The following EML1 variants were observed in gnomAD, a reference collection of about 807,000 sequenced individuals.
EML1 encodes EMAP like 1.
EML1 carries 27 observed loss-of-function variants against 110.4 expected under a neutral mutation model. The observed-to-expected ratio is 0.24, with a 90% CI of 0.18 to 0.34. EML1 has a LOEUF of 0.34. EML1 is among the 10% of genes least tolerant of loss of function. The pLI is 1.00. For missense variants in EML1, 741 were observed against 1,030.9 expected (o/e 0.72, Z 3.85); for synonymous variants, 344 against 385.8 (o/e 0.89, Z 1.27).
chr14:99,895,149 A>G (rs1189179933), intron 6 of EML1, among the ~76,000 whole-genome samples: 1 of 152,106 alleles, frequency 6.6e-6, no homozygotes, highest in Non-Finnish European at 1.5e-5. Context: ...TATTCTTTCC[A>G]AAAGAATGAC....
intron 17 of EML1, among the ~76,000 whole-genome samples, chr14:99,935,626 A>G (rs908277126): frequency 6.6e-6 from 1 of 152,044 alleles, no homozygotes; most frequent in South Asian, 2.1e-4. Flanking sequence ...TACCGAAAAT[A>G]CAAAAAATTA....
chr14:99,865,279 A>G (rs1249708639), intron 2 of EML1, among the ~76,000 whole-genome samples: 1 of 152,160 alleles, frequency 6.6e-6, no homozygotes, highest in East Asian at 1.9e-4. Context: ...ACAGTTCACA[A>G]GAGTTTGCAC....
At chr14:99,846,169 A>G (rs1034079744) in intron 1 of EML1, among the ~76,000 whole-genome samples, 3 of 152,042 alleles carry the variant, frequency 2.0e-5, no homozygotes, top group African/African-American at 7.2e-5. Flanking sequence ...TTTCAATGTC[A>G]GAGGCCACTT....
intron 5 of EML1, among the ~76,000 whole-genome samples, chr14:99,892,520 C>G (rs1689084307): frequency 6.6e-6 from 1 of 152,144 alleles, no homozygotes; most frequent in Non-Finnish European, 1.5e-5. Context: ...CTGGCCTCTT[C>G]CCACTAGCGC....
In EML1 at chr14:99,939,058, T is replaced by C. The variant is rs1453818328; in HGVS notation, c.2192-139T>C. The C allele has an allele frequency of 3.8e-6, 5 of 1,301,874 alleles. No homozygotes were observed. The highest frequency in any genetic ancestry group is 1.5e-5 in the African/African-American group (1 of 67,302). 80.6% of individuals were successfully genotyped at this position (1,301,874 alleles called of 1,614,324 possible). A position where few individuals can be genotyped will look rare whatever the true frequency, so the allele number is the denominator to read the frequency against. On this transcript the variant is annotated intron_variant, in intron 20 of 21. Transcript: ENST00000262233. The surrounding 1 kb of genome is among the most constrained non-coding windows in gnomAD (Gnocchi z 4.2). ...AGCGAGAGGCCAGGAACTGAGGCTA[T>C]TGTGCTTTTTTGACCCTTGTTTCTA... is the stretch of plus-strand genomic sequence containing the variant.
chr14:99,771,322 T>C (rs889470754), upstream of EML1, among the ~76,000 whole-genome samples: 1 of 152,222 alleles, frequency 6.6e-6, no homozygotes, highest in African/African-American at 2.4e-5. Flanking sequence ...TTACTATAAA[T>C]GGGATTATGG....
chr14:99,852,226 G>A (rs17572928), intron 2 of EML1, among the ~76,000 whole-genome samples: 7 of 152,116 alleles, frequency 4.6e-5, no homozygotes, highest in East Asian at 3.9e-4. Context: ...ACTCTTCCTC[G>A]TGACTAACTG....
At chr14:99,935,961 G>A (rs945661184) in intron 17 of EML1, 68 bp from the exon 18 acceptor site, 17 of 1,470,846 alleles carry the variant, frequency 1.2e-5, no homozygotes, top group African/African-American at 2.8e-5. Context: ...GGCAGCTACC[G>A]TTATCCTTTG....
chr14:99,823,849 C>T (rs756485322), intron 1 of EML1, among the ~76,000 whole-genome samples: 4 of 152,118 alleles, frequency 2.6e-5, no homozygotes, highest in East Asian at 1.9e-4. Flanking sequence ...TGGAGTCAGG[C>T]GCCATTTCCT....
At chr14:99,913,871 G>A (rs539953580) in intron 13 of EML1, among the ~76,000 whole-genome samples, 1 of 151,966 alleles carries the variant, frequency 6.6e-6, no homozygotes, top group Admixed American at 6.5e-5. Context: ...TGTATTTTTA[G>A]TAGAGACGGG....
intron 1 of EML1, among the ~76,000 whole-genome samples, chr14:99,821,616 C>A (rs940694083): frequency 6.6e-6 from 1 of 152,202 alleles, no homozygotes; most frequent in Non-Finnish European, 1.5e-5. Flanking sequence ...GACTCCACAT[C>A]TTTTGACATC....
chr14:99,925,275 CTTTTTTTT>C (rs972066503), intron 17 of EML1, among the ~76,000 whole-genome samples: 1 of 136,064 alleles, frequency 7.3e-6, no homozygotes, highest in Non-Finnish European at 1.6e-5. Flanking sequence ...TTTCTTTTTT[CTTTTTTTT>C]TTTTTTTTGC....
chr14:99,822,077 A>G (rs976695213), intron 1 of EML1, among the ~76,000 whole-genome samples: 1 of 152,216 alleles, frequency 6.6e-6, no homozygotes, highest in African/African-American at 2.4e-5. Flanking sequence ...GTTGGAACAA[A>G]GGCATTTTGC....
In EML1 at chr14:99,774,481, T is replaced by C. The variant is rs554305731; in HGVS notation, c.-27+468T>C. Among the ~76,000 whole-genome samples the C allele has an allele frequency of 8.5e-5, 13 of 152,312 alleles. No homozygotes were observed. The South Asian group carries it at 2.5e-3, about 29-fold the overall frequency. On this transcript the variant is annotated intron_variant, in intron 1 of 22. Transcript: ENST00000327921. ...TCCATGCCTCCCGAGTGTACCCTTT[T>C]TCCTTCCCTCACCCTCCTCCTCTGG...
chr14:99,798,537 C>T (rs917391411), intron 1 of EML1, among the ~76,000 whole-genome samples: 17 of 152,036 alleles, frequency 1.1e-4, no homozygotes, highest in Non-Finnish European at 2.2e-4. Context: ...GAATTACAGG[C>T]GTGTGCCACC....
chr14:99,940,325 G>A lies in EML1; in HGVS notation c.*213G>A, dbSNP rs1034711918. 1 of 463,418 alleles carries A rather than the reference G, an allele frequency of 2.2e-6. No homozygotes were observed. The highest frequency in any genetic ancestry group is 3.9e-5 in the East Asian group (1 of 25,720). 28.7% of individuals were successfully genotyped at this position (463,418 alleles called of 1,614,324 possible). ...TTTGTTGTACAATATATGACACAGTGCACATTGAATACCAACAAGGTTGCA... is the reference window on the plus strand; with the variant it reads ...TTTGTTGTACAATATATGACACAGTACACATTGAATACCAACAAGGTTGCA... On this transcript the variant is annotated 3_prime_UTR_variant, in exon 22 of 22. Transcript: ENST00000262233.
At chr14:99,924,768 A>C (rs1207182044) in intron 17 of EML1, among the ~76,000 whole-genome samples, 2 of 152,086 alleles carry the variant, frequency 1.3e-5, no homozygotes, top group African/African-American at 4.8e-5. Context: ...TCTATTTCTA[A>C]TTTGTTTGGA....
At chr14:99,755,582 A>T (rs2057240581) in intron 1 of EML1, among the ~76,000 whole-genome samples, 1 of 152,042 alleles carries the variant, frequency 6.6e-6, no homozygotes, top group South Asian at 2.1e-4. Context: ...GCAGCTAAAG[A>T]TGTTGGTTCC....
At chr14:99,933,010 C>A (rs1243864204) in intron 17 of EML1, among the ~76,000 whole-genome samples, 1 of 151,932 alleles carries the variant, frequency 6.6e-6, no homozygotes, top group Non-Finnish European at 1.5e-5. Context: ...CCCAGCTACT[C>A]GGGAGACCAT....
Sources: gnomAD v4.1 joint callset for allele counts (sites outside exome capture counted in the v4.1 genomes callset) on GRCh38, gnomAD v4.1.1 for gene constraint, Gnocchi (gnomAD v3.1) non-coding constraint, MANE v1.5 for transcripts, NCBI Gene and HGNC (gene_info 2026-07-23, HGNC 2026-07-21) for gene names.